ADAM12: variants seen among roughly 807,000 people sequenced by gnomAD.
The protein encoded by ADAM12 is ADAM metallopeptidase domain 12, also known as disintegrin and metalloproteinase domain-containing protein 12.
Under a neutral mutation model 106.4 loss-of-function variants are expected in ADAM12, and 70 were observed. That is an observed-to-expected ratio of 0.66 (90% CI 0.54 to 0.80). The LOEUF is 0.80. Ranked by LOEUF, ADAM12 falls within the 30% of genes least tolerant of loss-of-function variation. The pLI, the probability that ADAM12 is intolerant of heterozygous loss-of-function variation, is 0.00. For missense variants in ADAM12, 1,010 were observed against 1,171.9 expected (o/e 0.86, Z 2.02); for synonymous variants, 420 against 433.5 (o/e 0.97, Z 0.39).
intron 14 of ADAM12, among the ~76,000 whole-genome samples, chr10:126,060,056 C>T (rs777967634): frequency 6.8e-4 from 104 of 151,862 alleles, no homozygotes; most frequent in Non-Finnish European, 1.1e-3. Flanking sequence ...ATTTGTGGGA[C>T]AAAAATCAGT....
intron 3 of ADAM12, among the ~76,000 whole-genome samples, chr10:126,236,102 G>A (rs1958410705): frequency 6.6e-6 from 1 of 152,218 alleles, no homozygotes; most frequent in Admixed American, 6.5e-5. Context: ...CGCGGAAGGA[G>A]GAAGAACACA....
In ADAM12 at chr10:126,227,869, A is replaced by G. The variant is rs548513196; in HGVS notation, c.260+51046T>C. ...AGAGAGAGAGCTGGGAGTGGAGAGG[A>G]CAGTGAGGAGGGAGCTGAGTCATGA... On this transcript the variant is annotated intron_variant, in intron 3 of 22. Transcript: ENST00000448723. 1.1e-4 allele frequency among the ~76,000 whole-genome samples: 16 copies of G among 152,298 alleles called. No homozygotes were observed. The South Asian group carries it at 2.7e-3, about 26-fold the overall frequency.
chr10:126,101,229 G>A lies in ADAM12; in HGVS notation c.754C>T (p.Leu252=), dbSNP rs759830339. ...CCTACCAACACGATCCGAATGTTCA[G>A]TGGTCTGTAAAACTGGGCAAAACAG... is the stretch of plus-strand genomic sequence containing the variant. ...ANHVDKFYRP[L]NIRIVLVGVE... The change falls in exon 9 of 23, where the codon CTG becomes TTG. Residue 252 remains leucine, a synonymous_variant. Coordinates refer to ENST00000448723, the MANE Select transcript of ADAM12 (RefSeq NM_001288973.2). The A allele has an allele frequency of 7.4e-6, 12 of 1,614,060 alleles. No homozygotes were observed. In the South Asian group the frequency reaches 1.3e-4, roughly 18 times the overall value.
chr10:126,071,821 G>A (rs1177720529), intron 11 of ADAM12, among the ~76,000 whole-genome samples, 167 bp from the exon 12 acceptor site: 2 of 152,210 alleles, frequency 1.3e-5, no homozygotes, highest in African/African-American at 4.8e-5. Context: ...TGTCAAGTGA[G>A]GCACATTCAG....
At chr10:126,144,808 C>T (rs1956595473) in intron 4 of ADAM12, among the ~76,000 whole-genome samples, 1 of 152,164 alleles carries the variant, frequency 6.6e-6, no homozygotes, top group Non-Finnish European at 1.5e-5. Context: ...ATCACTGGCA[C>T]AGCAGTGGCC....
chr10:126,175,777 C>T (rs879216852), intron 3 of ADAM12, among the ~76,000 whole-genome samples: 1 of 152,240 alleles, frequency 6.6e-6, no homozygotes, highest in African/African-American at 2.4e-5. Context: ...CTTTGCAAAA[C>T]AAGCCCAGCC....
At position 126,159,220 on chromosome 10, in the gene ADAM12, G is replaced by C. The variant is rs190616463; in HGVS notation, c.261-3915C>G. Among the ~76,000 whole-genome samples the C allele has an allele frequency of 8.0e-4, 118 of 147,720 alleles. No homozygotes were observed. In the East Asian group the frequency reaches 0.021, roughly 27 times the overall value. On this transcript the variant is annotated intron_variant, in intron 3 of 22. Coordinates refer to ENST00000448723, the MANE Select transcript of ADAM12 (RefSeq NM_001288973.2). ...AACTACTCAGGAGGCTGAGGCAGGA[G>C]AATGGCGTGAACCTGGGAGGCAGAG...
chr10:126,022,838 G>GA (rs1953794405), intron 21 of ADAM12, among the ~76,000 whole-genome samples: 1 of 152,172 alleles, frequency 6.6e-6, no homozygotes, highest in Admixed American at 6.5e-5. Flanking sequence ...AGATATTGAA[G>GA]AAAAATCCAG....
intron 1 of ADAM12, among the ~76,000 whole-genome samples, chr10:126,357,238 A>C (rs1380435262): frequency 6.6e-6 from 1 of 152,178 alleles, no homozygotes; most frequent in Non-Finnish European, 1.5e-5. Context: ...TATACAAAGA[A>C]GTCTCAATAT....
intron 2 of ADAM12, among the ~76,000 whole-genome samples, chr10:126,311,094 TAC>T (rs67514376): frequency 0.18 from 24,360 of 138,378 alleles, 1,960 homozygotes; most frequent in East Asian, 0.24. Flanking sequence ...TACACACAAA[TAC>T]ACACACACAC....
intron 3 of ADAM12, among the ~76,000 whole-genome samples, chr10:126,166,859 C>CA (rs977298774): frequency 2.3e-4 from 35 of 152,058 alleles, no homozygotes; most frequent in African/African-American, 8.4e-4. Flanking sequence ...ATTTTAAGAA[C>CA]AAAAAAATAG....
chr10:126,146,863 C>A (rs1157308605), intron 4 of ADAM12, among the ~76,000 whole-genome samples: 1 of 152,214 alleles, frequency 6.6e-6, no homozygotes, highest in Non-Finnish European at 1.5e-5. Flanking sequence ...ACTTGATACA[C>A]TTATGAGATG....
intron 4 of ADAM12, among the ~76,000 whole-genome samples, chr10:126,145,991 T>C (rs1245862106): frequency 6.6e-6 from 1 of 152,220 alleles, no homozygotes; most frequent in Non-Finnish European, 1.5e-5. Context: ...AAATGCAATC[T>C]TGTGATACAA....
intron 3 of ADAM12, among the ~76,000 whole-genome samples, chr10:126,225,305 G>A (rs1403771423): frequency 2.6e-5 from 4 of 152,212 alleles, no homozygotes; most frequent in South Asian, 2.1e-4. Context: ...TGAGAAAGGA[G>A]TTATTAAAAA....
Position 126,014,316 on chromosome 10 carries a change from T to TTTTTTTTTTTTTTTTTTTTTTTG in ADAM12, c.*2962_*2963insCAAAAAAAAAAAAAAAAAAAAAA. 1 of 139,752 alleles carries TTTTTTTTTTTTTTTTTTTTTTTG rather than the reference T, an allele frequency of 7.2e-6. No homozygotes were observed. The allele number at this position is 139,752 out of a possible 1,614,324, so 8.7% of individuals were successfully genotyped here. Reference sequence around the variant, plus strand: ...CATTTTGACACAGTTTTAGCCGGTTTTTTTTTTTTTTTTTTTTTTTTGAGG... The same window carrying TTTTTTTTTTTTTTTTTTTTTTTG: ...CATTTTGACACAGTTTTAGCCGGTTTTTTTTTTTTTTTTTTTTTTTTTGTTTTTTTTTTTTTTTTTTTTTGAGG... On this transcript the variant is annotated 3_prime_UTR_variant, in exon 23 of 23. Transcript: ENST00000448723.
intron 2 of ADAM12, among the ~76,000 whole-genome samples, chr10:126,313,255 C>T (rs150389015): frequency 8.7e-4 from 133 of 152,288 alleles, no homozygotes; most frequent in African/African-American, 2.8e-3. Context: ...GCTGGTTTCC[C>T]CCACCAGTTG....
intron 3 of ADAM12, among the ~76,000 whole-genome samples, chr10:126,188,303 T>C (rs966762250): frequency 3.3e-5 from 5 of 149,618 alleles, no homozygotes. Context: ...CTAGACTCCA[T>C]GTGTACCACT....
intron 2 of ADAM12, among the ~76,000 whole-genome samples, chr10:126,302,082 C>T (rs757628692): frequency 1.1e-4 from 16 of 152,138 alleles, no homozygotes; most frequent in Non-Finnish European, 1.9e-4. Context: ...AGTGTGTTCT[C>T]CAGAGGGATT....
At chr10:126,120,657 G>A (rs1452257690) in intron 5 of ADAM12, among the ~76,000 whole-genome samples, 1 of 151,788 alleles carries the variant, frequency 6.6e-6, no homozygotes. Flanking sequence ...CTGTGCTTTT[G>A]GAGAGTCAGA....
Sources: gnomAD v4.1 joint callset for allele counts (sites outside exome capture counted in the v4.1 genomes callset) on GRCh38, gnomAD v4.1.1 for gene constraint, MANE v1.5 for transcripts, NCBI Gene and HGNC (gene_info 2026-07-23, HGNC 2026-07-21) for gene names.